CHRNA4: variants seen among roughly 807,000 people sequenced by gnomAD.
CHRNA4 encodes the protein cholinergic receptor nicotinic alpha 4 subunit, also known as neuronal acetylcholine receptor subunit alpha-4.
CHRNA4 carries 28 observed loss-of-function variants against 48.9 expected under a neutral mutation model. That is an observed-to-expected ratio of 0.57 (90% CI 0.42 to 0.79). The LOEUF (loss-of-function observed/expected upper bound fraction) is 0.79, where lower values mean the gene tolerates loss of function less well. CHRNA4 is among the 30% of genes least tolerant of loss of function. CHRNA4 has a pLI of 0.00. For synonymous variants in CHRNA4, 425 were observed against 402.3 expected, an observed-to-expected ratio of 1.06 and a Z score of -0.68; for missense variants, 859 against 898.4, an observed-to-expected ratio of 0.96 and a Z score of 0.56.
intron 4 of CHRNA4, chr20:63,355,427 G>A: frequency 9.9e-7 from 1 of 1,007,226 alleles, no homozygotes; most frequent in Non-Finnish European, 1.4e-6. Flanking sequence ...GACATGTCCT[G>A]GGCAGAGCGT....
At chr20:63,351,188 CCACG>C (rs2068601425) in intron 4 of CHRNA4, 161 bp from the exon 5 acceptor site, 1 of 582,700 alleles carries the variant, frequency 1.7e-6, no homozygotes, top group African/African-American at 2.1e-5. Flanking sequence ...CATCCATGTC[CCACG>C]CCCACATCCA....
At chr20:63,360,234 G>A (rs993426524) in intron 1 of CHRNA4, 8 of 168,304 alleles carry the variant, frequency 4.8e-5, no homozygotes, top group African/African-American at 1.9e-4. Context: ...AGGGAGGAAG[G>A]GGAAGGAGGA....
At position 63,343,939 on chromosome 20, in the gene CHRNA4, C is replaced by G. The variant is rs1237105706; in HGVS notation, c.*2799G>C. The G allele has an allele frequency of 1.1e-5, 5 of 453,996 alleles. No homozygotes were observed. Among genetic ancestry groups the G allele is most frequent in the Non-Finnish European group, 2.2e-5 (5 of 226,802 alleles). 28.1% of individuals were successfully genotyped at this position (453,996 alleles called of 1,614,324 possible). On this transcript the variant is annotated 3_prime_UTR_variant, in exon 6 of 6. Coordinates refer to ENST00000370263, the MANE Select transcript of CHRNA4 (RefSeq NM_000744.7). ...CTAACTGGCCCTAGGAGGAGCAGTC[C>G]TGGGTCTGAAAGATGTTAAAACATT...
At chr20:63,351,050 GT>G in intron 4 of CHRNA4, 23 bp from the exon 5 acceptor site, 1 of 1,605,690 alleles carries the variant, frequency 6.2e-7, no homozygotes, top group Non-Finnish European at 8.5e-7. Flanking sequence ...AGAGCGAAGG[GT>G]GTGAGACCCC....
intron 1 of CHRNA4, 98 bp from the exon 2 acceptor site, chr20:63,359,797 C>A (rs1021933122): frequency 1.4e-6 from 2 of 1,434,174 alleles, no homozygotes; most frequent in Non-Finnish European, 1.9e-6. Flanking sequence ...CTGCCCAGCA[C>A]GTCCACTTCC....
At chr20:63,359,438 T>A in intron 2 of CHRNA4, 110 bp downstream of exon 2, 2 of 1,418,112 alleles carry the variant, frequency 1.4e-6, no homozygotes, top group Admixed American at 1.8e-5. Flanking sequence ...GGCCGGACAC[T>A]CACAGCCACG....
chr20:63,345,818 C>A lies in CHRNA4; in HGVS notation c.*920G>T, dbSNP rs201603407. 2.2e-6 allele frequency: 1 copy of A among 448,942 alleles called. No homozygotes were observed. The highest frequency in any genetic ancestry group is 1.6e-5 in the South Asian group (1 of 64,242). The allele number at this position is 448,942 out of a possible 1,614,324, so 27.8% of individuals were successfully genotyped here. A position where few individuals can be genotyped will look rare whatever the true frequency, so the allele number is the denominator to read the frequency against. On this transcript the variant is annotated 3_prime_UTR_variant, in exon 6 of 6. Coordinates refer to ENST00000370263, the MANE Select transcript of CHRNA4 (RefSeq NM_000744.7). This position sits in a 1 kb window ranked among gnomAD's most constrained non-coding sequence, Gnocchi z 5.4. ...CGCCAAGGTGGAAACCCTCAGGGTCCTGGGGGAACCAGGGCCCAGGTCTGG... is the reference window on the plus strand; with the variant it reads ...CGCCAAGGTGGAAACCCTCAGGGTCATGGGGGAACCAGGGCCCAGGTCTGG...
At chr20:63,347,319 G>T (rs779104684) in intron 5 of CHRNA4, among the ~76,000 whole-genome samples, 1 of 152,228 alleles carries the variant, frequency 6.6e-6, no homozygotes, top group African/African-American at 2.4e-5. Context: ...CCCGGTGGGC[G>T]CACAGAGGGC....
chr20:63,347,599 GA>G (rs2068516610), intron 5 of CHRNA4, among the ~76,000 whole-genome samples: 1 of 151,260 alleles, frequency 6.6e-6, no homozygotes, highest in Non-Finnish European at 1.5e-5. Flanking sequence ...CTGGAGTCGG[GA>G]AGCCACTCTC....
chr20:63,355,674 G>T, intron 4 of CHRNA4: 1 of 1,050,570 alleles, frequency 9.5e-7, no homozygotes, highest in Non-Finnish European at 1.3e-6. Context: ...CAGGGACACT[G>T]TGTCCAGGTG....
intron 4 of CHRNA4, among the ~76,000 whole-genome samples, chr20:63,352,327 C>A (rs1205160231): frequency 6.6e-6 from 1 of 152,200 alleles, no homozygotes; most frequent in African/African-American, 2.4e-5. Context: ...TGTGGAGCCG[C>A]CACTGCTGGA....
chr20:63,350,068 G>T lies in CHRNA4; in HGVS notation c.1343C>A (p.Pro448His). The T allele has an allele frequency of 6.6e-7, 1 of 1,514,218 alleles. No homozygotes were observed. Among genetic ancestry groups the T allele is most frequent in the East Asian group, 2.4e-5 (1 of 42,310 alleles). 93.8% of individuals were successfully genotyped at this position (1,514,218 alleles called of 1,614,324 possible). Reference sequence around the variant, plus strand: ...CTGGGTGCCGTGGGGCGGGCGGCAGGGTCCAGGCGAGGGGTGGGGGCTGGC... The same window carrying T: ...CTGGGTGCCGTGGGGCGGGCGGCAGTGTCCAGGCGAGGGGTGGGGGCTGGC... ...EKASPHPSPG[P>H]CRPPHGTQAP... The change falls in exon 5 of 6, where the codon CCC (proline) becomes CAC (histidine). Residue 448 changes from proline to histidine, a missense_variant. Pro to His is a moderately conservative substitution (Grantham distance 77). Coordinates refer to ENST00000370263, the MANE Select transcript of CHRNA4 (RefSeq NM_000744.7).
At chr20:63,347,974 C>T (rs1016231538) in intron 5 of CHRNA4, among the ~76,000 whole-genome samples, 9 of 152,236 alleles carry the variant, frequency 5.9e-5, no homozygotes, top group Non-Finnish European at 7.4e-5. Context: ...GCCCAGGCCT[C>T]GGCTCTGGGG....
chr20:63,352,582 C>G (rs45577732), intron 4 of CHRNA4, among the ~76,000 whole-genome samples: 9,083 of 152,282 alleles, frequency 0.06, 374 homozygotes, highest in South Asian at 0.12. Context: ...TGGGTGGAAT[C>G]AGGCTCAAGT....
In CHRNA4 at chr20:63,357,760, G is replaced by A. The variant is rs2068741779; in HGVS notation, c.229-1345C>T. Among the ~76,000 whole-genome samples, 4 of 152,264 alleles carry A rather than the reference G, an allele frequency of 2.6e-5. No homozygotes were observed. The South Asian group carries it at 8.3e-4, about 32-fold the overall frequency. Reference sequence around the variant, plus strand: ...AGGAGCATCAGGCAGCCCCTTCCGTGCACACGTGGCCCTCGGCCTTGGGCA... The same window carrying A: ...AGGAGCATCAGGCAGCCCCTTCCGTACACACGTGGCCCTCGGCCTTGGGCA... On this transcript the variant is annotated intron_variant, in intron 2 of 5. Coordinates refer to ENST00000370263, the MANE Select transcript of CHRNA4 (RefSeq NM_000744.7).
At chr20:63,359,170 TCCTGCCCCGGCC>T (rs895427584) in intron 2 of CHRNA4, among the ~76,000 whole-genome samples, 3 of 152,132 alleles carry the variant, frequency 2.0e-5, no homozygotes, top group South Asian at 2.1e-4. Flanking sequence ...CAGTGCCTGC[TCCTGCCCCGGCC>T]CCTGCCCCGG....
intron 4 of CHRNA4, among the ~76,000 whole-genome samples, chr20:63,353,955 G>T (rs191510371): frequency 0.017 from 868 of 51,498 alleles, 94 homozygotes; most frequent in Middle Eastern, 0.04. Flanking sequence ...ACCCTCGGGG[G>T]GGCTGCGGTC....
Position 63,343,760 on chromosome 20 carries a change from C to A in CHRNA4, c.*2978G>T, listed in dbSNP as rs946731542. ...GCGCAAGCAGCCGCAGAGGGGCCGG[C>A]GCCCCGGCAGGCTTCGAGCTGCAGC... On this transcript the variant is annotated 3_prime_UTR_variant, in exon 6 of 6. Transcript: ENST00000370263. 2.2e-6 allele frequency: 1 copy of A among 452,964 alleles called. No homozygotes were observed. Among genetic ancestry groups the A allele is most frequent in the South Asian group, 1.6e-5 (1 of 64,426 alleles). 28.1% of individuals were successfully genotyped at this position (452,964 alleles called of 1,614,324 possible).
Position 63,350,683 on chromosome 20 carries a change from G to A in CHRNA4, c.728C>T (p.Pro243Leu), listed in dbSNP as rs755825569. 14 of 1,613,834 alleles carry A rather than the reference G, an allele frequency of 8.7e-6. No homozygotes were observed. The highest frequency in any genetic ancestry group is 2.7e-5 in the African/African-American group (2 of 74,878). ...GATGAGGTTGATGGTGTAGAAGAGC[G>A]GCAGCCGCCGGATGACGAAGGCATA... ...ITYAFVIRRL[P>L]LFYTINLIIP... The change falls in exon 5 of 6, where the codon CCG becomes CTG. Residue 243 changes from proline (P) to leucine (L), a missense_variant. This residue lies in a region of CHRNA4 where 342 missense variants were observed against 365.3 expected (regional missense o/e 0.94). Transcript: ENST00000370263.
Sources: gnomAD v4.1 joint callset for allele counts (sites outside exome capture counted in the v4.1 genomes callset) on GRCh38, gnomAD v4.1.1 for gene constraint, gnomAD v4.1.1 regional missense constraint, Gnocchi (gnomAD v3.1) non-coding constraint, MANE v1.5 for transcripts, NCBI Gene and HGNC (gene_info 2026-07-23, HGNC 2026-07-21) for gene names.